The following DTNBP1 variants were observed in gnomAD, a reference collection of about 807,000 sequenced individuals.
DTNBP1 encodes dystrobrevin binding protein 1.
A neutral mutation model predicts 42.8 loss-of-function variants in DTNBP1; 35 were observed. That is an observed-to-expected ratio of 0.82 (90% CI 0.63 to 1.09). The LOEUF is 1.09. Ranked by LOEUF, DTNBP1 falls within the 50% of genes least tolerant of loss-of-function variation. The pLI is 0.00. For synonymous variants in DTNBP1, 171 were observed against 162.2 expected, an observed-to-expected ratio of 1.05 and a Z score of -0.41; for missense variants, 457 against 424.2, an observed-to-expected ratio of 1.08 and a Z score of -0.68.
intron 4 of DTNBP1, among the ~76,000 whole-genome samples, chr6:15,636,185 C>CTCTT (rs1423067065): frequency 2.1e-5 from 2 of 96,132 alleles, no homozygotes; most frequent in Non-Finnish European, 4.2e-5. Flanking sequence ...GACAGAGTTT[C>CTCTT]TGTCACCCAG....
intron 7 of DTNBP1, among the ~76,000 whole-genome samples, chr6:15,582,218 A>C (rs2113580490): frequency 6.6e-6 from 1 of 152,298 alleles, no homozygotes; most frequent in African/African-American, 2.4e-5. Context: ...ACTTGTCTAA[A>C]TTCTATTGTT....
intron 3 of DTNBP1, among the ~76,000 whole-genome samples, chr6:15,642,805 GAA>G (rs1180521506): frequency 6.6e-6 from 1 of 151,632 alleles, no homozygotes. Context: ...TACCCTTAAG[GAA>G]AAAAAAGTCA....
At chr6:15,592,100 G>A (rs954544961) in intron 7 of DTNBP1, among the ~76,000 whole-genome samples, 21 of 152,144 alleles carry the variant, frequency 1.4e-4, no homozygotes, top group African/African-American at 5.1e-4. Context: ...GCTATAGGAG[G>A]AATATGCCTT....
chr6:15,570,445 T>C (rs1371301936), intron 7 of DTNBP1, among the ~76,000 whole-genome samples: 1 of 152,208 alleles, frequency 6.6e-6, no homozygotes, highest in Non-Finnish European at 1.5e-5. Flanking sequence ...CTGTTCAACT[T>C]TGAAACTTTC....
At chr6:15,528,514 C>T (rs548520666) in intron 8 of DTNBP1, among the ~76,000 whole-genome samples, 10 of 152,272 alleles carry the variant, frequency 6.6e-5, no homozygotes, top group South Asian at 2.1e-4. Flanking sequence ...GGCTCAGGGA[C>T]GGGCGGCAGA....
At chr6:15,657,434 C>G (rs1581444462) in intron 1 of DTNBP1, among the ~76,000 whole-genome samples, 1 of 152,166 alleles carries the variant, frequency 6.6e-6, no homozygotes, top group South Asian at 2.1e-4. Flanking sequence ...CCTAACACAT[C>G]TATTCCCTCC....
rs1190919996 is a variant in DTNBP1, at chr6:15,587,618, C to G, written c.511+5441G>C. On this transcript the variant is annotated intron_variant, in intron 7 of 9. Coordinates refer to ENST00000344537, the MANE Select transcript of DTNBP1 (RefSeq NM_032122.5). The surrounding 1 kb of genome is among the most constrained non-coding windows in gnomAD (Gnocchi z 4.1). ...GGTCACTGGTTTCCTACAAAGGTGC[C>G]AAAGCAATTCAATGGGGAAAAGAAG... 6.6e-6 allele frequency among the ~76,000 whole-genome samples: 1 copy of G among 152,002 alleles called. No individual in the cohort carries two copies. The highest frequency in any genetic ancestry group is 1.5e-5 in the Non-Finnish European group (1 of 68,018).
intron 7 of DTNBP1, among the ~76,000 whole-genome samples, chr6:15,545,632 A>T (rs10949305): frequency 0.15 from 23,578 of 152,144 alleles, 2,720 homozygotes; most frequent in African/African-American, 0.32. Context: ...TAACTTTTAC[A>T]TAACAAAGAA....
chr6:15,576,165 C>A (rs1775555786), intron 7 of DTNBP1, among the ~76,000 whole-genome samples: 1 of 151,844 alleles, frequency 6.6e-6, no homozygotes, highest in Admixed American at 6.6e-5. Flanking sequence ...GTTGCCCAGG[C>A]TGGAGTGCAG....
chr6:15,564,204 C>G (rs929711107), intron 7 of DTNBP1, among the ~76,000 whole-genome samples: 2 of 152,006 alleles, frequency 1.3e-5, no homozygotes, highest in South Asian at 4.1e-4. Flanking sequence ...TATTGACTTG[C>G]CATGTGCATC....
At chr6:15,600,901 A>AG (rs1776702952) in intron 6 of DTNBP1, among the ~76,000 whole-genome samples, 5 of 152,230 alleles carry the variant, frequency 3.3e-5, no homozygotes, top group Admixed American at 3.3e-4. Flanking sequence ...GCAGGTAAGA[A>AG]GAGAGACCTG....
intron 4 of DTNBP1, among the ~76,000 whole-genome samples, chr6:15,630,606 C>T (rs1442045261): frequency 2.0e-5 from 3 of 151,932 alleles, no homozygotes; most frequent in Non-Finnish European, 4.4e-5. Context: ...GAAAAAAAAT[C>T]GAAACCCTTA....
At chr6:15,609,620 C>T (rs966349375) in intron 6 of DTNBP1, among the ~76,000 whole-genome samples, 1 of 152,134 alleles carries the variant, frequency 6.6e-6, no homozygotes, top group Non-Finnish European at 1.5e-5. Context: ...CGCCCAGCCT[C>T]GTTTTTAAGT....
chr6:15,620,227 C>A (rs1036439031), intron 5 of DTNBP1, among the ~76,000 whole-genome samples: 1 of 152,140 alleles, frequency 6.6e-6, no homozygotes, highest in South Asian at 2.1e-4. Flanking sequence ...GATTATGGAA[C>A]GCTTAAATGA....
chr6:15,573,996 C>T (rs149225095), intron 7 of DTNBP1, among the ~76,000 whole-genome samples: 9 of 152,318 alleles, frequency 5.9e-5, no homozygotes, highest in East Asian at 1.9e-4. Flanking sequence ...TGAGCCACCG[C>T]GCCCAGACTC....
intron 4 of DTNBP1, among the ~76,000 whole-genome samples, chr6:15,634,195 T>C (rs993236676): frequency 4.6e-5 from 7 of 152,364 alleles, no homozygotes; most frequent in South Asian, 4.1e-4. Flanking sequence ...TTTAAAAATA[T>C]TGAGGCTGCA....
chr6:15,541,339 G>A (rs568675019), intron 7 of DTNBP1, among the ~76,000 whole-genome samples: 17 of 152,156 alleles, frequency 1.1e-4, no homozygotes, highest in African/African-American at 4.1e-4. Flanking sequence ...GATATTTGAA[G>A]GAAAAATTTC....
chr6:15,565,554 A>G (rs1775035018), intron 7 of DTNBP1, among the ~76,000 whole-genome samples: 1 of 152,260 alleles, frequency 6.6e-6, no homozygotes, highest in Admixed American at 6.5e-5. Flanking sequence ...AGAAAATATT[A>G]TGCTAAGTGA....
At chr6:15,561,476 T>G (rs1774838005) in intron 7 of DTNBP1, among the ~76,000 whole-genome samples, 1 of 152,240 alleles carries the variant, frequency 6.6e-6, no homozygotes, top group Non-Finnish European at 1.5e-5. Context: ...GAGTTATGAA[T>G]GGCCCTCACC....
Sources: gnomAD v4.1 joint callset for allele counts (sites outside exome capture counted in the v4.1 genomes callset) on GRCh38, gnomAD v4.1.1 for gene constraint, Gnocchi (gnomAD v3.1) non-coding constraint, MANE v1.5 for transcripts, NCBI Gene and HGNC (gene_info 2026-07-23, HGNC 2026-07-21) for gene names.